Variants in SSBP2 observed in about 807,000 individuals in gnomAD.
SSBP2 encodes single-stranded DNA-binding protein 2.
Under a neutral mutation model 61.8 loss-of-function variants are expected in SSBP2, and 17 were observed. The observed-to-expected ratio is 0.28, with a 90% confidence interval of 0.19 to 0.41. The LOEUF is 0.41. Ranked by LOEUF, SSBP2 falls within the 10% of genes least tolerant of loss-of-function variation. The pLI is 1.00. For synonymous variants in SSBP2, 139 were observed against 141.3 expected (o/e 0.98, Z 0.12); for missense variants, 310 against 458.7 (o/e 0.68, Z 2.96).
chr5:81,732,942 T>TA (rs1756364896), intron 1 of SSBP2, among the ~76,000 whole-genome samples: 1 of 152,232 alleles, frequency 6.6e-6, no homozygotes, highest in Non-Finnish European at 1.5e-5. Flanking sequence ...CAGTACATTT[T>TA]AAAAAGATGA....
Position 81,448,835 on chromosome 5 carries a change from G to A in SSBP2, c.688-10C>T, listed in dbSNP as rs1442175979. 15 of 1,609,772 alleles carry A rather than the reference G, an allele frequency of 9.3e-6. No homozygotes were observed. The highest frequency in any genetic ancestry group is 3.4e-5 in the Admixed American group (2 of 59,070). On this transcript the variant is annotated splice_polypyrimidine_tract_variant and intron_variant, in intron 10 of 16. Coordinates refer to ENST00000320672, the MANE Select transcript of SSBP2 (RefSeq NM_012446.5). The stretch of plus-strand genomic sequence containing the variant: ...CTGAGGAGTATGGTATCTGGAACAC[G>A]AATAGGACAAAAAAATTTTTGATTC...
chr5:81,581,023 A>G (rs1326551699), intron 4 of SSBP2, among the ~76,000 whole-genome samples: 1 of 152,214 alleles, frequency 6.6e-6, no homozygotes, highest in Non-Finnish European at 1.5e-5. Context: ...GCATCAAAGA[A>G]TCCAAGAGAA....
At chr5:81,522,750 G>A (rs149513588) in intron 4 of SSBP2, among the ~76,000 whole-genome samples, 6 of 152,116 alleles carry the variant, frequency 3.9e-5, no homozygotes, top group African/African-American at 7.2e-5. Context: ...TTAGCACCAC[G>A]TACTCTACCC....
At position 81,414,440 on chromosome 5, in the gene SSBP2, T is replaced by C. The variant is rs75359751; in HGVS notation, c.*6064A>G. 297 of 152,330 alleles carry C rather than the reference T, an allele frequency of 1.9e-3. No homozygotes were observed. Among genetic ancestry groups the C allele is most frequent in the African/African-American group, 6.9e-3 (288 of 41,576 alleles). The allele number at this position is 152,330 out of a possible 1,614,324, so 9.4% of individuals were successfully genotyped here. On this transcript the variant is annotated 3_prime_UTR_variant, in exon 17 of 17. Coordinates refer to ENST00000320672, the MANE Select transcript of SSBP2 (RefSeq NM_012446.5). The stretch of plus-strand genomic sequence containing the variant: ...TTATTGAACTGAGGATTTCACTTCA[T>C]AGTTTAAAAAAGTAAACAGGTCTCA...
chr5:81,592,889 GA>G (rs1476812466), intron 4 of SSBP2, among the ~76,000 whole-genome samples: 1 of 152,062 alleles, frequency 6.6e-6, no homozygotes, highest in Admixed American at 6.6e-5. Flanking sequence ...CAAAGATGGG[GA>G]AAAAACAGAG....
intron 2 of SSBP2, among the ~76,000 whole-genome samples, chr5:81,642,364 T>C (rs544198383): frequency 6.6e-6 from 1 of 152,346 alleles, no homozygotes; most frequent in East Asian, 1.9e-4. Flanking sequence ...CTTCTGTCAT[T>C]TGACCAGCCA....
intron 12 of SSBP2, 41 bp from the exon 13 acceptor site, chr5:81,442,764 T>C: frequency 9.2e-7 from 1 of 1,083,106 alleles, no homozygotes; most frequent in Admixed American, 2.3e-5. Flanking sequence ...TTCTTTAGAG[T>C]CTATACCCAA....
chr5:81,501,773 A>G (rs908425421), intron 5 of SSBP2, among the ~76,000 whole-genome samples: 1 of 151,606 alleles, frequency 6.6e-6, no homozygotes, highest in Non-Finnish European at 1.5e-5. Context: ...TCACCATGTT[A>G]GCCAGGATGG....
rs148896536 is a variant in SSBP2, at chr5:81,538,992, T to C, written c.283-25275A>G. ...GCGTAACTTTGACTTTCAAGACTTA[T>C]TATTTAAGAAATATATTTCATAAGG... On this transcript the variant is annotated intron_variant, in intron 4 of 16. Coordinates refer to ENST00000320672, the MANE Select transcript of SSBP2 (RefSeq NM_012446.5). 3.6e-3 allele frequency among the ~76,000 whole-genome samples: 553 copies of C among 152,328 alleles called. 3 individuals carry two copies. The highest frequency in any genetic ancestry group is 0.012 in the African/African-American group (499 of 41,562).
At chr5:81,441,688 C>A (rs1394664237) in intron 13 of SSBP2, among the ~76,000 whole-genome samples, 1 of 152,124 alleles carries the variant, frequency 6.6e-6, no homozygotes, top group East Asian at 1.9e-4. Flanking sequence ...GCAATACAAA[C>A]CACATGCTTA....
At chr5:81,575,813 A>G (rs1332976973) in intron 4 of SSBP2, among the ~76,000 whole-genome samples, 1 of 152,198 alleles carries the variant, frequency 6.6e-6, no homozygotes, top group African/African-American at 2.4e-5. Flanking sequence ...ACATTAACCA[A>G]AAGAAAGTTG....
intron 6 of SSBP2, among the ~76,000 whole-genome samples, chr5:81,477,275 T>C (rs1765655130): frequency 6.6e-6 from 1 of 152,196 alleles, no homozygotes; most frequent in Non-Finnish European, 1.5e-5. Flanking sequence ...TGCAGGTGTA[T>C]ATGTACATGC....
chr5:81,524,692 C>G (rs1009152155), intron 4 of SSBP2, among the ~76,000 whole-genome samples: 1 of 151,978 alleles, frequency 6.6e-6, no homozygotes, highest in Non-Finnish European at 1.5e-5. Flanking sequence ...TTTTACAAAG[C>G]TAAGTGTTGT....
intron 10 of SSBP2, among the ~76,000 whole-genome samples, chr5:81,459,877 A>T (rs1764420685): frequency 6.6e-6 from 1 of 152,226 alleles, no homozygotes; most frequent in Non-Finnish European, 1.5e-5. Flanking sequence ...CAATCTGGCA[A>T]AACACTATTT....
chr5:81,442,286 C>G (rs1378652797), intron 13 of SSBP2, among the ~76,000 whole-genome samples: 1 of 151,590 alleles, frequency 6.6e-6, no homozygotes, highest in Non-Finnish European at 1.5e-5. Context: ...TCAAGTTTAT[C>G]AGGACAAAAA....
chr5:81,529,180 T>C (rs2154102994), intron 4 of SSBP2, among the ~76,000 whole-genome samples: 1 of 152,228 alleles, frequency 6.6e-6, no homozygotes, highest in African/African-American at 2.4e-5. Context: ...GAATCAAGTA[T>C]AATACAGAGT....
chr5:81,553,202 C>T (rs1329361167), intron 4 of SSBP2, among the ~76,000 whole-genome samples: 5 of 152,124 alleles, frequency 3.3e-5, no homozygotes, highest in Admixed American at 2.0e-4. Context: ...AGAGCCAACA[C>T]GAAATGTACA....
At chr5:81,649,351 A>T (rs930439738) in intron 2 of SSBP2, among the ~76,000 whole-genome samples, 1 of 152,104 alleles carries the variant, frequency 6.6e-6, no homozygotes, top group Admixed American at 6.6e-5. Context: ...CACCACTGTA[A>T]GAAAGGTCAA....
At chr5:81,688,260 A>G (rs2153829638) in intron 1 of SSBP2, among the ~76,000 whole-genome samples, 1 of 152,314 alleles carries the variant, frequency 6.6e-6, no homozygotes, top group South Asian at 2.1e-4. Flanking sequence ...GGCACAGAAT[A>G]GAATACCAAG....
Sources: gnomAD v4.1 joint callset for allele counts (sites outside exome capture counted in the v4.1 genomes callset) on GRCh38, gnomAD v4.1.1 for gene constraint, MANE v1.5 for transcripts, NCBI Gene and HGNC (gene_info 2026-07-23, HGNC 2026-07-21) for gene names.